INTS1: variants seen among roughly 807,000 people sequenced by gnomAD.
The protein encoded by INTS1 is integrator complex subunit 1.
INTS1 carries 137 observed loss-of-function variants against 241.6 expected under a neutral mutation model. The ratio of observed to expected loss-of-function variants is 0.57; its 90% CI spans 0.49 to 0.65. The LOEUF (loss-of-function observed/expected upper bound fraction) is 0.65. Ranked by LOEUF, INTS1 falls within the 30% of genes least tolerant of loss-of-function variation. The pLI, the probability that INTS1 is intolerant of heterozygous loss-of-function variation, is 0.00. For synonymous variants in INTS1, 1,692 were observed against 1,337.8 expected (o/e 1.26, Z -5.78); for missense variants, 3,073 against 3,032.2 (o/e 1.01, Z -0.32).
rs2289034 is a variant in INTS1, at chr7:1,498,959, C to T, written c.1137+16G>A. 76 of 1,488,814 alleles carry T rather than the reference C, an allele frequency of 5.1e-5. No individual in the cohort carries two copies. In the African/African-American group the frequency reaches 9.4e-4, roughly 18 times the overall value. The allele number at this position is 1,488,814 out of a possible 1,614,324, so 92.2% of individuals were successfully genotyped here. ...CCACCCCCTGCCCCGCCCACCCCCC[C>T]GGGGCGCCCCCGCACCTTGGGGTTC... On this transcript the variant is annotated intron_variant, in intron 8 of 47. Coordinates refer to ENST00000404767, the MANE Select transcript of INTS1 (RefSeq NM_001080453.3).
chr7:1,472,626 TGGGCACAAGACG>T (rs1781523691), intron 43 of INTS1, among the ~76,000 whole-genome samples: 1 of 152,160 alleles, frequency 6.6e-6, no homozygotes, highest in African/African-American at 2.4e-5. Context: ...CAGGACCCAC[TGGGCACAAGACG>T]GGATGGCCCC....
chr7:1,479,696 A>T lies in INTS1; in HGVS notation c.4075-12T>A, dbSNP rs1395845078. 3 of 1,458,678 alleles carry T rather than the reference A, an allele frequency of 2.1e-6. No homozygotes were observed. The African/African-American group carries it at 4.3e-5, about 21-fold the overall frequency. 90.4% of individuals were successfully genotyped at this position (1,458,678 alleles called of 1,614,324 possible). On this transcript the variant is annotated splice_polypyrimidine_tract_variant and intron_variant, in intron 30 of 47. Coordinates refer to ENST00000404767, the MANE Select transcript of INTS1 (RefSeq NM_001080453.3). The stretch of plus-strand genomic sequence containing the variant: ...CTGAGCGGGAAAATCTGGAACGGGG[A>T]AGGCCAGTGTCAGGAGGAAGCGGAG...
chr7:1,501,095 G>A (rs1783155052), intron 3 of INTS1: 1 of 152,020 alleles, frequency 6.6e-6, no homozygotes, highest in Non-Finnish European at 1.5e-5. Context: ...GACCAGCCTG[G>A]CCAATACAGT....
At chr7:1,492,823 GCGGGC>G (rs1782631418) in intron 16 of INTS1, among the ~76,000 whole-genome samples, 182 bp downstream of exon 16, 1 of 151,092 alleles carries the variant, frequency 6.6e-6, no homozygotes. Flanking sequence ...GGAGTGGGGC[GCGGGC>G]TTACCCGGGC....
chr7:1,495,582 A>C, intron 12 of INTS1, 29 bp from the exon 13 acceptor site: 2 of 1,594,414 alleles, frequency 1.3e-6, no homozygotes, highest in South Asian at 2.3e-5. Flanking sequence ...TTAGTGGCCC[A>C]TCCGAGCCAT....
chr7:1,485,014 C>T lies in INTS1; in HGVS notation c.3261+84G>A, dbSNP rs1281922864. The T allele has an allele frequency of 2.0e-5, 8 of 404,140 alleles. No individual in the cohort carries two copies. The Admixed American group carries it at 2.9e-4, about 15-fold the overall frequency. 25.0% of individuals were successfully genotyped at this position (404,140 alleles called of 1,614,324 possible). On this transcript the variant is annotated intron_variant, in intron 24 of 47. Coordinates refer to ENST00000404767, the MANE Select transcript of INTS1 (RefSeq NM_001080453.3). ...TCCCCAGGGCCACACTGCCGGCTGG[C>T]CCCGTCCCCTCCCCAGGGCCACACT...
chr7:1,499,638 T>G lies in INTS1; in HGVS notation c.685-6A>C. 6.3e-7 allele frequency: 1 copy of G among 1,592,378 alleles called. No individual in the cohort carries two copies. The highest frequency in any genetic ancestry group is 1.1e-5 in the South Asian group (1 of 90,076). On this transcript the variant is annotated splice_polypyrimidine_tract_variant and splice_region_variant and intron_variant, in intron 5 of 47. Coordinates refer to ENST00000404767, the MANE Select transcript of INTS1 (RefSeq NM_001080453.3). ...AGGGAGTCCTCGATGTACACCTGTGTGGCAGCCACACCCTCAGCCCCGAGC... is the reference window on the plus strand; with the variant it reads ...AGGGAGTCCTCGATGTACACCTGTGGGGCAGCCACACCCTCAGCCCCGAGC...
chr7:1,496,061 C>G (rs1377594691), intron 12 of INTS1, 95 bp downstream of exon 12: 1 of 896,816 alleles, frequency 1.1e-6, no homozygotes, highest in Non-Finnish European at 1.8e-6. Context: ...TCCTGCCGGG[C>G]GCTCAGGGGA....
At chr7:1,486,594 C>T (rs748553029) in intron 22 of INTS1, 31 bp downstream of exon 22, 24 of 1,601,450 alleles carry the variant, frequency 1.5e-5, no homozygotes, top group Middle Eastern at 1.7e-4. Context: ...ACATGAAGAG[C>T]GTGCGCAGAA....
intron 12 of INTS1, 100 bp from the exon 13 acceptor site, chr7:1,495,653 G>T (rs1232510647): frequency 6.2e-6 from 9 of 1,444,860 alleles, no homozygotes; most frequent in Non-Finnish European, 8.4e-6. Context: ...TTGGGAGGGG[G>T]TAACTCAGGG....
chr7:1,472,388 TG>T lies in INTS1; in HGVS notation c.6071-3del. 6.5e-7 allele frequency: 1 copy of T among 1,534,858 alleles called. No homozygotes were observed. On this transcript the variant is annotated splice_region_variant and splice_polypyrimidine_tract_variant and intron_variant, in intron 43 of 47. Transcript: ENST00000404767. ...GCAAGGAGCCGGCTGAGCTCTCCTCTGGAAGACAGTGGCAGTGCTGCAGGAG... is the reference window on the plus strand; with the variant it reads ...GCAAGGAGCCGGCTGAGCTCTCCTCTGAAGACAGTGGCAGTGCTGCAGGAG...
rs745928332 is a variant in INTS1, at chr7:1,481,261, G to A, written c.3850+81C>T. 15 of 1,529,448 alleles carry A rather than the reference G, an allele frequency of 9.8e-6. No individual in the cohort carries two copies. Among genetic ancestry groups the A allele is most frequent in the East Asian group, 2.3e-5 (1 of 43,740 alleles). 94.7% of individuals were successfully genotyped at this position (1,529,448 alleles called of 1,614,324 possible). On this transcript the variant is annotated intron_variant, in intron 28 of 47. Coordinates refer to ENST00000404767, the MANE Select transcript of INTS1 (RefSeq NM_001080453.3). This position sits in a 1 kb window ranked among gnomAD's most constrained non-coding sequence, Gnocchi z 6.8. ...CCGACCTCGGATCACCCACCCGCTCGCACCCAGGCCCCAAAAGCCTGGCCG... is the reference window on the plus strand; with the variant it reads ...CCGACCTCGGATCACCCACCCGCTCACACCCAGGCCCCAAAAGCCTGGCCG...
At chr7:1,472,508 A>G in intron 43 of INTS1, 122 bp from the exon 44 acceptor site, 1 of 645,672 alleles carries the variant, frequency 1.5e-6, no homozygotes, top group African/African-American at 1.8e-5. Context: ...GTGCCTGCAC[A>G]CAGCAGCGCT....
rs558492128 is a variant in INTS1 at position 1,483,815 on chromosome 7, G to C, written c.3468C>G (p.Ser1156Arg). ...GGATGTGCATGGTGGCTGTCTCCCCGCTGCTCCAGCGTAGGAAGACCTGGT... is the reference window on the plus strand; with the variant it reads ...GGATGTGCATGGTGGCTGTCTCCCCCCTGCTCCAGCGTAGGAAGACCTGGT... ...SQDQVFLRWSSGETATMHILV... is the reference protein window; with the variant it reads ...SQDQVFLRWSRGETATMHILV... Residue 1156 changes from serine (S) to arginine (R), a missense_variant, in exon 26 of 48, where the codon AGC (serine) becomes AGG (arginine). By Grantham distance (110) the Ser-to-Arg change is moderately radical (BLOSUM62 -1). Coordinates refer to ENST00000404767, the MANE Select transcript of INTS1 (RefSeq NM_001080453.3). The C allele has an allele frequency of 6.2e-7, 1 of 1,612,372 alleles. No individual in the cohort carries two copies. Among genetic ancestry groups the C allele is most frequent in the Non-Finnish European group, 8.5e-7 (1 of 1,179,594 alleles).
chr7:1,476,285 C>G lies in INTS1; in HGVS notation c.5322G>C (p.Glu1774Asp). 1 of 1,584,528 alleles carries G rather than the reference C, an allele frequency of 6.3e-7. No homozygotes were observed. Among genetic ancestry groups the G allele is most frequent in the South Asian group, 1.2e-5 (1 of 86,522 alleles). ...LLLSCCCGDD[E>D]SVRKVTEHLS... ...GGTGCTCCGTCACCTTCCTGACACT[C>G]TCATCGTCCCCACAGCAGCAGCTGA... is the stretch of plus-strand genomic sequence containing the variant. The change falls in exon 38 of 48, where the codon GAG becomes GAC. Residue 1774 changes from glutamate (E) to aspartate (D), a missense_variant. Physicochemically the swap from Glu to Asp is conservative, Grantham distance 45 (BLOSUM62 2). Transcript: ENST00000404767.
chr7:1,483,842 C>T lies in INTS1; in HGVS notation c.3441G>A (p.Gln1147=), dbSNP rs940585853. The change falls in exon 26 of 48, where the codon CAG becomes CAA. Residue 1147 remains glutamine, a synonymous_variant. Coordinates refer to ENST00000404767, the MANE Select transcript of INTS1 (RefSeq NM_001080453.3). The stretch of plus-strand genomic sequence containing the variant: ...TGCTCCAGCGTAGGAAGACCTGGTC[C>T]TGAGACTCCGACTGTGGGAAAAGAG... ...GEEVYSWSES[Q]DQVFLRWSSG... 1 of 1,610,614 alleles carries T rather than the reference C, an allele frequency of 6.2e-7. No individual in the cohort carries two copies. Among genetic ancestry groups the T allele is most frequent in the Non-Finnish European group, 8.5e-7 (1 of 1,177,882 alleles).
At chr7:1,473,842 G>A in intron 41 of INTS1, 149 bp from the exon 42 acceptor site, 3 of 1,039,266 alleles carry the variant, frequency 2.9e-6, no homozygotes, top group South Asian at 3.1e-5. Context: ...CAGGCCCAAG[G>A]GTGGCCGGCA....
chr7:1,472,151 C>A, intron 44 of INTS1, 122 bp downstream of exon 44: 1 of 736,768 alleles, frequency 1.4e-6, no homozygotes, highest in Non-Finnish European at 2.3e-6. Flanking sequence ...CCCACCCACC[C>A]ACAGCCCAGC....
rs1781395048 is a variant in INTS1, at chr7:1,470,315, A to G, written c.*262T>C. 1 of 459,222 alleles carries G rather than the reference A, an allele frequency of 2.2e-6. No homozygotes were observed. Among genetic ancestry groups the G allele is most frequent in the Non-Finnish European group, 3.8e-6 (1 of 260,488 alleles). The allele number at this position is 459,222 out of a possible 1,614,324, so 28.4% of individuals were successfully genotyped here. ...GTTTCATTCAAAACCAGCCCAGGCCATGCCCGGGGGGATCCGCCGCTCCGC... is the reference window on the plus strand; with the variant it reads ...GTTTCATTCAAAACCAGCCCAGGCCGTGCCCGGGGGGATCCGCCGCTCCGC... On this transcript the variant is annotated 3_prime_UTR_variant, in exon 48 of 48. Coordinates refer to ENST00000404767, the MANE Select transcript of INTS1 (RefSeq NM_001080453.3).
Sources: gnomAD v4.1 joint callset for allele counts (sites outside exome capture counted in the v4.1 genomes callset) on GRCh38, gnomAD v4.1.1 for gene constraint, Gnocchi (gnomAD v3.1) non-coding constraint, MANE v1.5 for transcripts, NCBI Gene and HGNC (gene_info 2026-07-23, HGNC 2026-07-21) for gene names.